The following BMAL1 variants were observed in gnomAD, a reference collection of about 807,000 sequenced individuals.
BMAL1 encodes basic helix-loop-helix ARNT-like protein 1.
At chr11:13,386,455 T>C in the BMAL1 span, 2 of 849,068 alleles carry the variant, frequency 2.4e-6, no homozygotes, top group South Asian at 2.7e-5. Context: ...TAAAAAAAGA[T>C]AGCCATGCAG....
At chr11:13,371,335 G>C in the BMAL1 span, among the ~76,000 whole-genome samples, 1 of 151,314 alleles carries the variant, frequency 6.6e-6, no homozygotes, top group Non-Finnish European at 1.5e-5. Flanking sequence ...ATCCAGAAAA[G>C]TTAGAGTCAT....
At chr11:13,294,682 C>G in the BMAL1 span, among the ~76,000 whole-genome samples, 1 of 152,228 alleles carries the variant, frequency 6.6e-6, no homozygotes, top group Non-Finnish European at 1.5e-5. Flanking sequence ...TGGAATCTGA[C>G]TAGCCTTTAT....
At chr11:13,343,335 G>A in the BMAL1 span, among the ~76,000 whole-genome samples, 1 of 152,200 alleles carries the variant, frequency 6.6e-6, no homozygotes, top group African/African-American at 2.4e-5. Context: ...ATGTTAGGGG[G>A]ATTGATGGTT....
chr11:13,326,729 AT>A, the BMAL1 span, among the ~76,000 whole-genome samples: 1 of 151,110 alleles, frequency 6.6e-6, no homozygotes, highest in African/African-American at 2.4e-5. Context: ...TAGGTATTAT[AT>A]ATATATATAT....
the BMAL1 span, among the ~76,000 whole-genome samples, chr11:13,278,618 C>T: frequency 6.6e-6 from 1 of 152,214 alleles, no homozygotes; most frequent in East Asian, 1.9e-4. Context: ...CGACCCCAGC[C>T]TGCGAACTTT....
chr11:13,293,683 C>T, the BMAL1 span, among the ~76,000 whole-genome samples: 6 of 152,252 alleles, frequency 3.9e-5, no homozygotes, highest in Non-Finnish European at 7.3e-5. Context: ...AACTGGGTAC[C>T]TAACAAACAC....
the BMAL1 span, chr11:13,386,787 G>A: frequency 1.9e-6 from 3 of 1,606,510 alleles, no homozygotes; most frequent in South Asian, 3.3e-5. Flanking sequence ...AACAGCTATA[G>A]TATCAAAGTG....
chr11:13,326,706 A>G, the BMAL1 span, among the ~76,000 whole-genome samples: 1 of 122,142 alleles, frequency 8.2e-6, no homozygotes, highest in Non-Finnish European at 1.7e-5. Flanking sequence ...GAGAGATAAT[A>G]TAGAAGATTA....
the BMAL1 span, among the ~76,000 whole-genome samples, chr11:13,368,563 T>C: frequency 1.3e-5 from 2 of 152,054 alleles, no homozygotes; most frequent in Non-Finnish European, 2.9e-5. Flanking sequence ...GGGAGGTAGA[T>C]GGGATGGGAG....
the BMAL1 span, among the ~76,000 whole-genome samples, chr11:13,351,062 A>G: frequency 6.6e-6 from 1 of 152,192 alleles, no homozygotes; most frequent in African/African-American, 2.4e-5. Flanking sequence ...GCCAGTGACT[A>G]TGGTAGATTA....
the BMAL1 span, among the ~76,000 whole-genome samples, chr11:13,297,566 G>A: frequency 1.3e-5 from 2 of 152,216 alleles, no homozygotes; most frequent in Admixed American, 1.3e-4. Context: ...AGGGTGGGCA[G>A]GCTGCAGATA....
At chr11:13,343,625 G>T in the BMAL1 span, among the ~76,000 whole-genome samples, 1 of 152,216 alleles carries the variant, frequency 6.6e-6, no homozygotes, top group Non-Finnish European at 1.5e-5. Flanking sequence ...CTACACCTCA[G>T]TGATGGACTT....
At chr11:13,337,555 T>C in the BMAL1 span, among the ~76,000 whole-genome samples, 1 of 152,258 alleles carries the variant, frequency 6.6e-6, no homozygotes, top group African/African-American at 2.4e-5. Context: ...CAGTTTATAT[T>C]CAGATATACA....
At chr11:13,329,360 T>C in the BMAL1 span, among the ~76,000 whole-genome samples, 1 of 152,182 alleles carries the variant, frequency 6.6e-6, no homozygotes, top group Non-Finnish European at 1.5e-5. Context: ...CACATATTAG[T>C]TCTCTTGTTC....
chr11:13,335,396 T>C, the BMAL1 span, among the ~76,000 whole-genome samples: 1 of 152,220 alleles, frequency 6.6e-6, no homozygotes, highest in East Asian at 1.9e-4. Context: ...TTTTTGTCTG[T>C]AGAAATGCTA....
At chr11:13,368,635 A>G in the BMAL1 span, among the ~76,000 whole-genome samples, 2 of 152,264 alleles carry the variant, frequency 1.3e-5, no homozygotes, top group South Asian at 4.1e-4. Flanking sequence ...TGTGATGGCC[A>G]TGGGTGTGTT....
At chr11:13,377,258 C>G in the BMAL1 span, among the ~76,000 whole-genome samples, 1 of 152,180 alleles carries the variant, frequency 6.6e-6, no homozygotes. Context: ...CAGTCTCTCT[C>G]CCGAGCTCCA....
chr11:13,354,639 A>G, the BMAL1 span: 2 of 673,182 alleles, frequency 3.0e-6, no homozygotes, highest in Non-Finnish European at 4.8e-6. Context: ...AGCCTTCAGC[A>G]GTGCTGAGGC....
At chr11:13,369,496 A>G in the BMAL1 span, 1 of 1,142,138 alleles carries the variant, frequency 8.8e-7, no homozygotes. Flanking sequence ...GGAGATATTT[A>G]TCTCATGTCA....
Sources: allele counts gnomAD v4.1 joint callset (sites outside exome capture counted in the v4.1 genomes callset), GRCh38; gene constraint gnomAD v4.1.1; transcripts MANE v1.5; gene names NCBI Gene and HGNC (gene_info 2026-07-23, HGNC 2026-07-21).